Variants in KCNAB1 observed in about 807,000 individuals in gnomAD.
KCNAB1 encodes potassium voltage-gated channel subfamily A regulatory beta subunit 1.
A neutral mutation model predicts 64.6 loss-of-function variants in KCNAB1; 35 were observed. The ratio of observed to expected loss-of-function variants is 0.54; its 90% CI spans 0.41 to 0.72. KCNAB1 has a LOEUF of 0.72. Ranked by LOEUF, KCNAB1 falls within the 30% of genes least tolerant of loss-of-function variation. The pLI, the probability that KCNAB1 is intolerant of heterozygous loss-of-function variation, is 0.00. For missense variants in KCNAB1, 401 were observed against 512.9 expected (o/e 0.78, Z 2.11); for synonymous variants, 177 against 183.8 (o/e 0.96, Z 0.30).
intron 1 of KCNAB1, among the ~76,000 whole-genome samples, chr3:156,274,161 T>C (rs911723542): frequency 1.4e-4 from 21 of 152,130 alleles, no homozygotes; most frequent in African/African-American, 4.1e-4. Flanking sequence ...GGGTAACTGA[T>C]ACATACCTTG....
At chr3:156,273,396 G>A (rs1307878198) in intron 1 of KCNAB1, among the ~76,000 whole-genome samples, 1 of 152,210 alleles carries the variant, frequency 6.6e-6, no homozygotes, top group African/African-American at 2.4e-5. Context: ...AGTTCCAACT[G>A]CTGGGATGGG....
At chr3:156,318,607 G>A (rs1025759866) in intron 1 of KCNAB1, among the ~76,000 whole-genome samples, 4 of 152,108 alleles carry the variant, frequency 2.6e-5, no homozygotes, top group African/African-American at 4.8e-5. Flanking sequence ...AGAGCGTATG[G>A]CACACAGTAA....
chr3:156,473,028 A>G (rs984613481), intron 7 of KCNAB1, among the ~76,000 whole-genome samples: 5 of 152,228 alleles, frequency 3.3e-5, no homozygotes, highest in African/African-American at 7.2e-5. Flanking sequence ...ATTGTCAGAA[A>G]ACAAGATACT....
chr3:156,352,651 A>T (rs1173726918), intron 1 of KCNAB1, among the ~76,000 whole-genome samples: 1 of 152,172 alleles, frequency 6.6e-6, no homozygotes, highest in Admixed American at 6.5e-5. Flanking sequence ...TCCCTGTGAC[A>T]TCTGGACCTC....
intron 1 of KCNAB1, among the ~76,000 whole-genome samples, chr3:156,182,538 C>T (rs899075769): frequency 3.3e-5 from 5 of 151,990 alleles, no homozygotes; most frequent in African/African-American, 1.2e-4. Context: ...TTCTTCTTCA[C>T]CCTTATTTTC....
intron 1 of KCNAB1, among the ~76,000 whole-genome samples, chr3:156,233,183 G>A (rs1464973131): frequency 2.6e-5 from 4 of 152,114 alleles, no homozygotes; most frequent in Non-Finnish European, 5.9e-5. Flanking sequence ...GTGAGTAGCC[G>A]AGAGTACAGA....
chr3:156,476,655 T>C (rs1368995197), intron 8 of KCNAB1, among the ~76,000 whole-genome samples: 2 of 152,084 alleles, frequency 1.3e-5, no homozygotes, highest in Non-Finnish European at 2.9e-5. Context: ...TTGGGTTGGT[T>C]CCATGATTTT....
At chr3:156,163,827 C>A (rs781114229) in intron 1 of KCNAB1, among the ~76,000 whole-genome samples, 7 of 152,176 alleles carry the variant, frequency 4.6e-5, no homozygotes, top group Non-Finnish European at 8.8e-5. Context: ...TTTGTGGCAA[C>A]GGCAAACTTT....
chr3:156,223,197 C>T (rs990952628), intron 1 of KCNAB1, among the ~76,000 whole-genome samples: 7 of 152,114 alleles, frequency 4.6e-5, no homozygotes, highest in African/African-American at 1.2e-4. Flanking sequence ...CAGACCTTTG[C>T]GGTGAGTGTT....
At chr3:156,494,729 A>T (rs1192244394) in intron 8 of KCNAB1, among the ~76,000 whole-genome samples, 1 of 152,188 alleles carries the variant, frequency 6.6e-6, no homozygotes, top group Non-Finnish European at 1.5e-5. Flanking sequence ...GACCTCAGGA[A>T]GCAGAATATG....
intron 8 of KCNAB1, among the ~76,000 whole-genome samples, chr3:156,482,718 A>G (rs776358767): frequency 6.6e-6 from 1 of 152,106 alleles, no homozygotes; most frequent in Non-Finnish European, 1.5e-5. Flanking sequence ...AACGTAGGTA[A>G]TAATATCTGC....
intron 1 of KCNAB1, chr3:156,291,276 C>A: frequency 2.0e-6 from 2 of 989,014 alleles, no homozygotes; most frequent in Non-Finnish European, 2.4e-6. Flanking sequence ...GGGGAGGGGT[C>A]TTGAGGAGCC....
chr3:156,377,485 G>T (rs1319959481), intron 1 of KCNAB1, among the ~76,000 whole-genome samples: 1 of 152,152 alleles, frequency 6.6e-6, no homozygotes, highest in African/African-American at 2.4e-5. Flanking sequence ...CTTGTGACAA[G>T]GAGATAAGGA....
At chr3:156,292,243 A>G (rs1720487523) in intron 1 of KCNAB1, 1 of 1,191,858 alleles carries the variant, frequency 8.4e-7, no homozygotes. Context: ...TCACTTTAGA[A>G]TTCTCAGGTG....
intron 1 of KCNAB1, among the ~76,000 whole-genome samples, chr3:156,274,002 T>C (rs1013152877): frequency 2.1e-4 from 32 of 152,196 alleles, no homozygotes; most frequent in African/African-American, 7.2e-4. Context: ...ATTTTCCACC[T>C]TTTTTCCCTT....
At chr3:156,185,110 G>C (rs189379363) in intron 1 of KCNAB1, among the ~76,000 whole-genome samples, 1 of 152,326 alleles carries the variant, frequency 6.6e-6, no homozygotes, top group East Asian at 1.9e-4. Context: ...CTGGTCTAGA[G>C]GCCTTTCCAC....
At chr3:156,285,078 A>G (rs189138390) in intron 1 of KCNAB1, among the ~76,000 whole-genome samples, 125 of 152,324 alleles carry the variant, frequency 8.2e-4, no homozygotes, top group African/African-American at 2.9e-3. Context: ...CGTGAGTTTA[A>G]AAAGATTCTT....
At chr3:156,301,487 G>A (rs1156330022) in intron 1 of KCNAB1, among the ~76,000 whole-genome samples, 1 of 152,074 alleles carries the variant, frequency 6.6e-6, no homozygotes, top group Non-Finnish European at 1.5e-5. Context: ...GATTTCAGAA[G>A]GTTTTCATCT....
chr3:156,466,738 A>G (rs1286187459), intron 7 of KCNAB1, among the ~76,000 whole-genome samples: 1 of 152,066 alleles, frequency 6.6e-6, no homozygotes, highest in African/African-American at 2.4e-5. Flanking sequence ...AAAACTTTGT[A>G]TAATTTAGAA....
Sources: gnomAD v4.1 joint callset for allele counts (sites outside exome capture counted in the v4.1 genomes callset) on GRCh38, gnomAD v4.1.1 for gene constraint, MANE v1.5 for transcripts, NCBI Gene and HGNC (gene_info 2026-07-23, HGNC 2026-07-21) for gene names.